CCDC146: variants seen among roughly 807,000 people sequenced by gnomAD.
The protein encoded by CCDC146 is coiled-coil domain containing 146.
Under a neutral mutation model 119.3 loss-of-function variants are expected in CCDC146, and 92 were observed. The observed-to-expected ratio is 0.77, with a 90% CI of 0.65 to 0.92. The LOEUF is 0.92. Ranked by LOEUF, CCDC146 falls within the 40% of genes least tolerant of loss-of-function variation. The pLI, the probability that CCDC146 is intolerant of heterozygous loss-of-function variation, is 0.00. For synonymous variants in CCDC146, 372 were observed against 371.8 expected (o/e 1.00, Z -0.01); for missense variants, 1,000 against 1,103.0 (o/e 0.91, Z 1.32).
At chr7:77,201,987 T>A (rs916518190) in intron 2 of CCDC146, among the ~76,000 whole-genome samples, 11 of 152,246 alleles carry the variant, frequency 7.2e-5, no homozygotes, top group Non-Finnish European at 1.5e-4. Context: ...AAGGATATTG[T>A]GAAATGTCCT....
At chr7:77,133,489 C>T (rs933929499) in intron 1 of CCDC146, among the ~76,000 whole-genome samples, 3 of 151,934 alleles carry the variant, frequency 2.0e-5, no homozygotes, top group African/African-American at 7.3e-5. Context: ...GTAGCTGGGA[C>T]TACAGGTGAG....
intron 2 of CCDC146, among the ~76,000 whole-genome samples, chr7:77,233,140 G>A (rs1792666043): frequency 6.6e-6 from 1 of 151,132 alleles, no homozygotes; most frequent in Non-Finnish European, 1.5e-5. Flanking sequence ...CCAGGCTGGA[G>A]TGCAGTGGCG....
intron 3 of CCDC146, among the ~76,000 whole-genome samples, chr7:77,238,674 C>A (rs1330141722): frequency 1.3e-5 from 2 of 152,208 alleles, no homozygotes; most frequent in African/African-American, 4.8e-5. Flanking sequence ...GCCTCGGCCT[C>A]CCAAAGTGCT....
Position 77,246,812 on chromosome 7 carries a change from C to T in CCDC146, c.449+4912C>T, listed in dbSNP as rs575333148. Among the ~76,000 whole-genome samples, 3 of 152,254 alleles carry T rather than the reference C, an allele frequency of 2.0e-5. No homozygotes were observed. The South Asian group carries it at 6.2e-4, about 32-fold the overall frequency. ...GTGACTTTGGAAAAGTTGCTTAACT[C>T]CTCAGTTTCTTCATTTGTACAACAA... On this transcript the variant is annotated intron_variant, in intron 4 of 18. Transcript: ENST00000285871.
At chr7:77,134,250 G>A (rs1161266804) in intron 1 of CCDC146, among the ~76,000 whole-genome samples, 1 of 151,828 alleles carries the variant, frequency 6.6e-6, no homozygotes, top group Admixed American at 6.6e-5. Context: ...AGTGGACTAG[G>A]ATTAGTTGGA....
At chr7:77,260,460 CTGTTGTA>C (rs1232382729) in intron 8 of CCDC146, among the ~76,000 whole-genome samples, 1 of 152,166 alleles carries the variant, frequency 6.6e-6, no homozygotes, top group Non-Finnish European at 1.5e-5. Context: ...AGGATATAAT[CTGTTGTA>C]TGTTGTAAGT....
At chr7:77,135,118 T>C (rs1790843829) in intron 1 of CCDC146, among the ~76,000 whole-genome samples, 1 of 152,256 alleles carries the variant, frequency 6.6e-6, no homozygotes, top group South Asian at 2.1e-4. Flanking sequence ...TATCTTGTTT[T>C]TCTTAATCTT....
At chr7:77,258,565 A>G (rs978114586) in intron 6 of CCDC146, among the ~76,000 whole-genome samples, 5 of 152,186 alleles carry the variant, frequency 3.3e-5, no homozygotes, top group Non-Finnish European at 7.3e-5. Context: ...ACTTTATTAT[A>G]TAATAAGCTT....
chr7:77,212,478 G>A (rs1011379838), intron 2 of CCDC146, among the ~76,000 whole-genome samples: 7 of 151,768 alleles, frequency 4.6e-5, no homozygotes, highest in African/African-American at 1.2e-4. Flanking sequence ...AAAAACAGCC[G>A]AGTGTGGTGG....
intron 2 of CCDC146, among the ~76,000 whole-genome samples, chr7:77,224,456 G>C (rs1346511879): frequency 6.6e-6 from 1 of 152,018 alleles, no homozygotes; most frequent in East Asian, 1.9e-4. Flanking sequence ...ATTGGATTGG[G>C]CTCACCTGGT....
chr7:77,142,927 C>A (rs1301213196), intron 1 of CCDC146, among the ~76,000 whole-genome samples: 1 of 151,790 alleles, frequency 6.6e-6, no homozygotes, highest in Non-Finnish European at 1.5e-5. Flanking sequence ...TGGGTATATA[C>A]CCAGTAATGG....
intron 2 of CCDC146, among the ~76,000 whole-genome samples, chr7:77,187,741 A>G (rs897929786): frequency 5.3e-5 from 8 of 152,326 alleles, no homozygotes; most frequent in African/African-American, 1.9e-4. Context: ...TTGGGAGGAT[A>G]ATACCAAGAG....
intron 17 of CCDC146, among the ~76,000 whole-genome samples, chr7:77,289,944 T>C (rs905677426): frequency 6.6e-6 from 1 of 152,182 alleles, no homozygotes; most frequent in African/African-American, 2.4e-5. Context: ...CATGCACACG[T>C]ATGTTTATTG....
chr7:77,210,659 CACATTGCTATGAAGAACT>C (rs1792163514), intron 2 of CCDC146, among the ~76,000 whole-genome samples: 1 of 152,294 alleles, frequency 6.6e-6, no homozygotes, highest in Admixed American at 6.5e-5. Context: ...AGTCCATTCT[CACATTGCTATGAAGAACT>C]ACCTGAGACT....
At chr7:77,220,135 C>T (rs1475196413) in intron 2 of CCDC146, among the ~76,000 whole-genome samples, 1 of 152,232 alleles carries the variant, frequency 6.6e-6, no homozygotes, top group Admixed American at 6.5e-5. Flanking sequence ...CATCCCGTAT[C>T]TACAACTGCA....
At chr7:77,254,622 A>C in intron 5 of CCDC146, 59 bp downstream of exon 5, 1 of 927,412 alleles carries the variant, frequency 1.1e-6, no homozygotes, top group Non-Finnish European at 1.7e-6. Context: ...ATCCCTTTTT[A>C]TAAATATTAA....
chr7:77,135,465 GAA>G (rs1439971822), intron 1 of CCDC146, among the ~76,000 whole-genome samples: 1 of 151,856 alleles, frequency 6.6e-6, no homozygotes, highest in Non-Finnish European at 1.5e-5. Flanking sequence ...AAAAGAGAGA[GAA>G]AGAAAGAAAG....
In CCDC146 at chr7:77,273,047, A is replaced by T. The variant is rs1436165965; in HGVS notation, c.1174-647A>T. On this transcript the variant is annotated intron_variant, in intron 9 of 18. Transcript: ENST00000285871. The stretch of plus-strand genomic sequence containing the variant: ...TATAATAACTATAATTTGAATAGTC[A>T]TAGTATATTCATGTCTCCAAAGTGC... 2.6e-5 allele frequency among the ~76,000 whole-genome samples: 4 copies of T among 152,310 alleles called. No individual in the cohort carries two copies. The South Asian group carries it at 8.3e-4, about 32-fold the overall frequency.
intron 1 of CCDC146, among the ~76,000 whole-genome samples, chr7:77,135,074 T>G: frequency 6.6e-6 from 1 of 152,276 alleles, no homozygotes. Context: ...CAACCACCAT[T>G]GCTCACTGGT....
Sources: gnomAD v4.1 joint callset for allele counts (sites outside exome capture counted in the v4.1 genomes callset) on GRCh38, gnomAD v4.1.1 for gene constraint, MANE v1.5 for transcripts, NCBI Gene and HGNC (gene_info 2026-07-23, HGNC 2026-07-21) for gene names.